Variants in PHKB observed in about 807,000 individuals in gnomAD.
PHKB encodes phosphorylase b kinase regulatory subunit beta.
Under a neutral mutation model 152.1 loss-of-function variants are expected in PHKB, and 122 were observed. That is an observed-to-expected ratio of 0.80 (90% confidence interval 0.69 to 0.93). PHKB has a LOEUF of 0.93. PHKB is among the 40% of genes least tolerant of loss of function. The pLI, the probability that PHKB is intolerant of heterozygous loss-of-function variation, is 0.00. For missense variants in PHKB, 1,304 were observed against 1,328.4 expected, an observed-to-expected ratio of 0.98 and a Z score of 0.29; for synonymous variants, 436 against 464.9, an observed-to-expected ratio of 0.94 and a Z score of 0.80.
intron 1 of PHKB, among the ~76,000 whole-genome samples, chr16:47,476,702 A>C (rs28566542): frequency 0.12 from 17,690 of 152,040 alleles, 2,244 homozygotes; most frequent in African/African-American, 0.32. Flanking sequence ...TTCCTCCCTT[A>C]TGCATTACTG....
chr16:47,668,439 C>T (rs1973577195), intron 25 of PHKB, among the ~76,000 whole-genome samples: 1 of 152,082 alleles, frequency 6.6e-6, no homozygotes, highest in Non-Finnish European at 1.5e-5. Context: ...TAATTGTACA[C>T]TGTACATGAA....
chr16:47,532,259 T>A (rs1330579922), intron 6 of PHKB, among the ~76,000 whole-genome samples: 1 of 152,186 alleles, frequency 6.6e-6, no homozygotes, highest in South Asian at 2.1e-4. Context: ...TGTAACTAAT[T>A]TGGAGAGCAA....
At chr16:47,501,077 T>C (rs937794654) in intron 3 of PHKB, among the ~76,000 whole-genome samples, 7 of 152,196 alleles carry the variant, frequency 4.6e-5, no homozygotes, top group Non-Finnish European at 8.8e-5. Context: ...AATGTAAAAC[T>C]GGTACTGATC....
chr16:47,634,321 A>G (rs1478417479), intron 14 of PHKB, among the ~76,000 whole-genome samples: 1 of 152,034 alleles, frequency 6.6e-6, no homozygotes, highest in African/African-American at 2.4e-5. Flanking sequence ...CACTGTAAAT[A>G]TTTTTCCCAT....
chr16:47,697,870 C>T (rs1214559784), intron 29 of PHKB, among the ~76,000 whole-genome samples: 1 of 152,198 alleles, frequency 6.6e-6, no homozygotes, highest in Non-Finnish European at 1.5e-5. Flanking sequence ...ATAGTTTATA[C>T]AGACCAAATA....
intron 1 of PHKB, among the ~76,000 whole-genome samples, chr16:47,490,723 T>C (rs1970134710): frequency 6.6e-6 from 1 of 152,220 alleles, no homozygotes. Flanking sequence ...CTGAGAAATT[T>C]TAATGAAGCA....
intron 20 of PHKB, among the ~76,000 whole-genome samples, chr16:47,656,275 C>T (rs576403787): frequency 1.3e-5 from 2 of 152,284 alleles, no homozygotes; most frequent in South Asian, 4.1e-4. Context: ...CCTCAGCCTC[C>T]GCAAGTGCGG....
In PHKB at chr16:47,648,593, A is replaced by G. The variant is rs1411474273; in HGVS notation, c.1669A>G (p.Ile557Val). Residue 557 changes from isoleucine to valine, a missense_variant, in exon 17 of 31, where the codon ATT becomes GTT. Physicochemically the swap from Ile to Val is conservative, Grantham distance 29 (BLOSUM62 3). Transcript: ENST00000323584. ...LGLSGRPDRPIGCLGTSKIYR... is the reference protein window; with the variant it reads ...LGLSGRPDRPVGCLGTSKIYR... ...ACTCTCTGGAAGGCCAGACAGGCCCATTGGCTGCCTCGGGACATCAAAGGT... is the reference window on the plus strand; with the variant it reads ...ACTCTCTGGAAGGCCAGACAGGCCCGTTGGCTGCCTCGGGACATCAAAGGT... 4 of 1,612,748 alleles carry G rather than the reference A, an allele frequency of 2.5e-6. No individual in the cohort carries two copies. The highest frequency in any genetic ancestry group is 3.3e-5 in the Admixed American group (2 of 60,004).
At chr16:47,498,389 A>G (rs927966204) in intron 2 of PHKB, among the ~76,000 whole-genome samples, 3 of 152,192 alleles carry the variant, frequency 2.0e-5, no homozygotes, top group African/African-American at 7.2e-5. Flanking sequence ...GATAAGATCA[A>G]TTTAGAGGCT....
At chr16:47,544,065 G>A (rs1971113084) in intron 6 of PHKB, among the ~76,000 whole-genome samples, 1 of 152,016 alleles carries the variant, frequency 6.6e-6, no homozygotes, top group African/African-American at 2.4e-5. Flanking sequence ...TTTTTTGAAG[G>A]ATTTTTTGTT....
intron 14 of PHKB, among the ~76,000 whole-genome samples, chr16:47,629,307 G>T (rs910724933): frequency 7.4e-4 from 112 of 152,014 alleles, no homozygotes; most frequent in Non-Finnish European, 1.4e-3. Context: ...AATCTACAAT[G>T]AACTCAAACA....
rs952901662 is a variant in PHKB at position 47,517,610 on chromosome 16, A to G, written c.594+2009A>G. Among the ~76,000 whole-genome samples, 11 of 152,236 alleles carry G rather than the reference A, an allele frequency of 7.2e-5. No homozygotes were observed. The East Asian group carries it at 1.9e-3, about 27-fold the overall frequency. On this transcript the variant is annotated intron_variant, in intron 6 of 30. Coordinates refer to ENST00000323584, the MANE Select transcript of PHKB (RefSeq NM_000293.3). ...AAATTTTACTTTTTGCTTTCTCAAT[A>G]TATGTCATAATTCATTTTGTATTTT...
chr16:47,638,829 T>G (rs1972966184), intron 14 of PHKB, among the ~76,000 whole-genome samples: 1 of 152,218 alleles, frequency 6.6e-6, no homozygotes, highest in East Asian at 1.9e-4. Flanking sequence ...CACACAGGGC[T>G]TGAGTATGTG....
At chr16:47,581,254 C>A (rs1410044429) in intron 8 of PHKB, among the ~76,000 whole-genome samples, 3 of 152,120 alleles carry the variant, frequency 2.0e-5, no homozygotes, top group African/African-American at 7.2e-5. Flanking sequence ...TTAATGCAGC[C>A]ACCTCTCTTC....
intron 7 of PHKB, among the ~76,000 whole-genome samples, chr16:47,557,238 TG>T (rs1971389898): frequency 6.6e-6 from 1 of 152,148 alleles, no homozygotes; most frequent in Non-Finnish European, 1.5e-5. Context: ...TAATTCAAGA[TG>T]GATTAAAGAC....
intron 13 of PHKB, chr16:47,598,579 A>G: frequency 1.2e-6 from 1 of 856,060 alleles, no homozygotes. Flanking sequence ...TGTCAGTAAT[A>G]TGAACACGCC....
At chr16:47,545,263 C>G (rs1200427894) in intron 6 of PHKB, among the ~76,000 whole-genome samples, 1 of 152,164 alleles carries the variant, frequency 6.6e-6, no homozygotes, top group Non-Finnish European at 1.5e-5. Flanking sequence ...GTGCTTCCTT[C>G]AGGAGCTCTT....
intron 26 of PHKB, among the ~76,000 whole-genome samples, chr16:47,674,724 G>A (rs895106316): frequency 4.6e-5 from 7 of 152,164 alleles, no homozygotes; most frequent in African/African-American, 1.4e-4. Context: ...GTCATTGTTC[G>A]AAGTTAACAG....
chr16:47,600,622 G>C (rs75821764), intron 13 of PHKB, among the ~76,000 whole-genome samples: 9 of 152,272 alleles, frequency 5.9e-5, no homozygotes, highest in African/African-American at 1.9e-4. Flanking sequence ...AGCCTACGAC[G>C]TACCTAGCCT....
Sources: gnomAD v4.1 joint callset for allele counts (sites outside exome capture counted in the v4.1 genomes callset) on GRCh38, gnomAD v4.1.1 for gene constraint, MANE v1.5 for transcripts, NCBI Gene and HGNC (gene_info 2026-07-23, HGNC 2026-07-21) for gene names.